The following PCTP variants were observed in gnomAD, a reference collection of about 807,000 sequenced individuals.
PCTP encodes the protein phosphatidylcholine transfer protein.
Under a neutral mutation model 31.0 loss-of-function variants are expected in PCTP, and 27 were observed. That is an observed-to-expected ratio of 0.87 (90% CI 0.64 to 1.20). PCTP has a LOEUF of 1.20. Among genes scored for constraint, PCTP ranks in the 50% most tolerant of loss-of-function variants. PCTP has a pLI of 0.00. For synonymous variants in PCTP, 108 were observed against 101.2 expected (o/e 1.07, Z -0.40); for missense variants, 287 against 268.2 (o/e 1.07, Z -0.49).
intron 3 of PCTP, among the ~76,000 whole-genome samples, chr17:55,822,392 C>G (rs1845943440): frequency 6.6e-6 from 1 of 152,150 alleles, no homozygotes; most frequent in South Asian, 2.1e-4. Flanking sequence ...GTGGCCTTCT[C>G]TTCTTGGACA....
chr17:55,773,699 T>G, intron 3 of PCTP, 25 bp from the exon 4 acceptor site: 2 of 1,588,486 alleles, frequency 1.3e-6, no homozygotes, highest in Non-Finnish European at 8.6e-7. Flanking sequence ...CTGGCGTTGG[T>G]GTCTTGCCTT....
At chr17:55,803,501 C>G (rs1447664329) in intron 3 of PCTP, among the ~76,000 whole-genome samples, 1 of 152,082 alleles carries the variant, frequency 6.6e-6, no homozygotes, top group Non-Finnish European at 1.5e-5. Context: ...GGTCCTGGTA[C>G]CAAAACAGAT....
At chr17:55,782,623 A>T (rs1285603512) in intron 2 of PCTP, among the ~76,000 whole-genome samples, 1 of 152,194 alleles carries the variant, frequency 6.6e-6, no homozygotes, top group Non-Finnish European at 1.5e-5. Flanking sequence ...CCATGCTTCC[A>T]CATTCCCCCT....
chr17:55,756,733 G>A (rs1910043374), intron 1 of PCTP, among the ~76,000 whole-genome samples: 1 of 151,934 alleles, frequency 6.6e-6, no homozygotes, highest in Admixed American at 6.6e-5. Flanking sequence ...GTGTGTGTGT[G>A]TGTGTGTGTA....
chr17:55,820,078 C>T (rs1419803241), intron 3 of PCTP, among the ~76,000 whole-genome samples: 1 of 152,104 alleles, frequency 6.6e-6, no homozygotes, highest in East Asian at 1.9e-4. Context: ...TAGAAGAAAA[C>T]ATAGGGGCAA....
intron 1 of PCTP, among the ~76,000 whole-genome samples, chr17:55,753,553 AG>A (rs1338225074): frequency 5.9e-5 from 9 of 152,232 alleles, no homozygotes; most frequent in African/African-American, 2.2e-4. Flanking sequence ...GATTCCAGCT[AG>A]GATCCAAACC....
rs183136293 is a variant in PCTP at position 55,818,345 on chromosome 17, A to T, written c.318-4416A>T. On this transcript the variant is annotated intron_variant, in intron 3 of 3. Transcript: ENST00000572536. ...ACCACTTTCCTAGCTCCTCCTGGCT[A>T]TTCCAACATGGCAACTGGTGCCCTG... Among the ~76,000 whole-genome samples the T allele has an allele frequency of 2.0e-5, 3 of 152,342 alleles. No homozygotes were observed. In the East Asian group the frequency reaches 5.8e-4, roughly 29 times the overall value.
intron 3 of PCTP, among the ~76,000 whole-genome samples, chr17:55,794,765 G>A (rs114941167): frequency 2.0e-5 from 3 of 152,010 alleles, no homozygotes; most frequent in Middle Eastern, 3.4e-3. Context: ...GAGCTCTAAC[G>A]ACAAATTCCA....
chr17:55,823,670 C>T (rs759887457), downstream of PCTP, among the ~76,000 whole-genome samples: 2 of 152,210 alleles, frequency 1.3e-5, no homozygotes, highest in African/African-American at 2.4e-5. Context: ...ATATCAATTC[C>T]TTGTGATAGG....
At chr17:55,832,102 C>CAAA (rs1905618827) in intron 5 of PCTP, among the ~76,000 whole-genome samples, 1 of 151,932 alleles carries the variant, frequency 6.6e-6, no homozygotes, top group Non-Finnish European at 1.5e-5. Flanking sequence ...ACAACAACAA[C>CAAA]AAAAAACAAA....
At chr17:55,774,637 G>A (rs1911205437) in intron 4 of PCTP, among the ~76,000 whole-genome samples, 155 bp from the exon 5 acceptor site, 1 of 152,150 alleles carries the variant, frequency 6.6e-6, no homozygotes, top group African/African-American at 2.4e-5. Context: ...TATGCCATAA[G>A]GGCAGTCAAT....
intron 3 of PCTP, among the ~76,000 whole-genome samples, chr17:55,804,380 T>C (rs1208613299): frequency 6.6e-6 from 1 of 152,128 alleles, no homozygotes; most frequent in Non-Finnish European, 1.5e-5. Context: ...GCCCAAAGGA[T>C]TATAAATCAT....
chr17:55,841,384 C>T (rs550027593), intron 5 of PCTP, among the ~76,000 whole-genome samples: 43 of 152,220 alleles, frequency 2.8e-4, no homozygotes, highest in African/African-American at 9.9e-4. Flanking sequence ...GTGAGAAGGG[C>T]GCAGTAGAGT....
At chr17:55,783,582 A>G (rs1256544849) in intron 2 of PCTP, among the ~76,000 whole-genome samples, 19 of 152,230 alleles carry the variant, frequency 1.2e-4, no homozygotes, top group Admixed American at 1.2e-3. Flanking sequence ...TATGTCAAAC[A>G]GCTTATGAGG....
chr17:55,775,600 A>G, intron 5 of PCTP: 1 of 1,184,412 alleles, frequency 8.4e-7, no homozygotes, highest in Non-Finnish European at 1.1e-6. Flanking sequence ...AATATTTAGG[A>G]AAAGTCTTGC....
chr17:55,828,424 A>G (rs1475441746), intron 5 of PCTP, among the ~76,000 whole-genome samples: 2 of 151,600 alleles, frequency 1.3e-5, no homozygotes, highest in African/African-American at 4.9e-5. Context: ...CATCACTCCA[A>G]CCTCTGCCTT....
chr17:55,807,108 C>T (rs1312246622), intron 3 of PCTP, among the ~76,000 whole-genome samples: 1 of 152,108 alleles, frequency 6.6e-6, no homozygotes, highest in East Asian at 1.9e-4. Flanking sequence ...CCAGAATTCT[C>T]CTTTGATGCA....
chr17:55,755,596 ATTT>A (rs71137172), intron 1 of PCTP, among the ~76,000 whole-genome samples: 1 of 151,376 alleles, frequency 6.6e-6, no homozygotes, highest in Admixed American at 6.6e-5. Context: ...GCTTTTGATA[ATTT>A]TTTTTTGTTT....
At chr17:55,831,923 A>G (rs1405800427) in intron 5 of PCTP, among the ~76,000 whole-genome samples, 1 of 152,136 alleles carries the variant, frequency 6.6e-6, no homozygotes, top group Non-Finnish European at 1.5e-5. Flanking sequence ...CCACTAACAA[A>G]AAATTAGCTG....
Sources: allele counts gnomAD v4.1 joint callset (sites outside exome capture counted in the v4.1 genomes callset), GRCh38; gene constraint gnomAD v4.1.1; transcripts MANE v1.5; gene names NCBI Gene and HGNC (gene_info 2026-07-23, HGNC 2026-07-21).